The following CSRNP3 variants were observed in gnomAD, a reference collection of about 807,000 sequenced individuals.
CSRNP3 encodes the protein cysteine/serine-rich nuclear protein 3.
In CSRNP3, 12 loss-of-function variants were observed where a neutral mutation model predicts 48.0. The observed-to-expected ratio is 0.25, with a 90% confidence interval of 0.16 to 0.41. The LOEUF (loss-of-function observed/expected upper bound fraction) is 0.41, where lower values mean the gene tolerates loss of function less well. CSRNP3 is among the 10% of genes least tolerant of loss of function. CSRNP3 has a pLI of 1.00. For missense variants in CSRNP3, 580 were observed against 724.4 expected (o/e 0.80, Z 2.29); for synonymous variants, 263 against 269.7 (o/e 0.98, Z 0.24).
intron 1 of CSRNP3, among the ~76,000 whole-genome samples, chr2:165,494,398 T>G (rs2105460367): frequency 6.6e-6 from 1 of 152,200 alleles, no homozygotes; most frequent in South Asian, 2.1e-4. Context: ...ATCTATTTTG[T>G]TCTGAACTCT....
chr2:165,652,610 T>C (rs979141401), intron 4 of CSRNP3, among the ~76,000 whole-genome samples: 1 of 152,088 alleles, frequency 6.6e-6, no homozygotes, highest in African/African-American at 2.4e-5. Context: ...TAGTGTAATC[T>C]CAGCTCCCCA....
At chr2:165,472,100 T>C (rs1443017363) in intron 1 of CSRNP3, among the ~76,000 whole-genome samples, 1 of 152,064 alleles carries the variant, frequency 6.6e-6, no homozygotes, top group Non-Finnish European at 1.5e-5. Flanking sequence ...TTGCAGTGGT[T>C]TGCAATATAA....
intron 2 of CSRNP3, among the ~76,000 whole-genome samples, chr2:165,506,139 C>T (rs769243022): frequency 2.1e-4 from 32 of 152,070 alleles, no homozygotes; most frequent in Non-Finnish European, 3.8e-4. Flanking sequence ...TACGGGTTCC[C>T]CAGATGATCT....
In CSRNP3 at chr2:165,689,063, G is replaced by C. The variant is rs1687675611; in HGVS notation, c.*9310G>C. 6.6e-6 allele frequency: 1 copy of C among 152,008 alleles called. No homozygotes were observed. 9.4% of individuals were successfully genotyped at this position (152,008 alleles called of 1,614,324 possible). A position where few individuals can be genotyped will look rare whatever the true frequency, so the allele number is the denominator to read the frequency against. Reference sequence around the variant, plus strand: ...CACAGTTTCTAGATTGATTTCTCTTGTGTATAAGTTATAACATCAAAAATG... The same window carrying C: ...CACAGTTTCTAGATTGATTTCTCTTCTGTATAAGTTATAACATCAAAAATG... On this transcript the variant is annotated 3_prime_UTR_variant, in exon 7 of 7. Coordinates refer to ENST00000651982, the MANE Select transcript of CSRNP3 (RefSeq NM_001172173.2).
chr2:165,564,419 G>A (rs986807445), intron 3 of CSRNP3, among the ~76,000 whole-genome samples: 2 of 151,742 alleles, frequency 1.3e-5, no homozygotes, highest in African/African-American at 4.8e-5. Flanking sequence ...ACAGATAGAT[G>A]GAAAATATAG....
chr2:165,626,688 G>T (rs1686441869), intron 4 of CSRNP3, among the ~76,000 whole-genome samples: 1 of 152,202 alleles, frequency 6.6e-6, no homozygotes, highest in South Asian at 2.1e-4. Context: ...TTTCATGGCT[G>T]CTGCCCTCTC....
intron 5 of CSRNP3, among the ~76,000 whole-genome samples, chr2:165,675,359 C>T (rs1245748753): frequency 6.6e-6 from 1 of 152,088 alleles, no homozygotes; most frequent in Non-Finnish European, 1.5e-5. Context: ...TGATTTTTCT[C>T]ATGGAGTTTC....
At chr2:165,590,873 G>GAGACT (rs1182003793) in intron 3 of CSRNP3, among the ~76,000 whole-genome samples, 1 of 152,062 alleles carries the variant, frequency 6.6e-6, no homozygotes, top group Non-Finnish European at 1.5e-5. Context: ...ATAGCAGCAT[G>GAGACT]AGACTAGACT....
chr2:165,649,077 T>C (rs1037258285), intron 4 of CSRNP3, among the ~76,000 whole-genome samples: 1 of 152,200 alleles, frequency 6.6e-6, no homozygotes, highest in Non-Finnish European at 1.5e-5. Context: ...GTGACATGCA[T>C]GTTCATGATC....
At chr2:165,535,363 T>G (rs1298168683) in intron 3 of CSRNP3, among the ~76,000 whole-genome samples, 1 of 151,446 alleles carries the variant, frequency 6.6e-6, no homozygotes, top group Non-Finnish European at 1.5e-5. Context: ...TGTAATAACC[T>G]GTTCTGGGAG....
intron 3 of CSRNP3, among the ~76,000 whole-genome samples, chr2:165,552,245 C>T (rs1029536265): frequency 3.3e-5 from 5 of 152,180 alleles, no homozygotes; most frequent in African/African-American, 1.2e-4. Context: ...ACAGAATTCT[C>T]AATTAATGTA....
intron 2 of CSRNP3, among the ~76,000 whole-genome samples, chr2:165,500,455 A>C (rs1684344393): frequency 6.6e-6 from 1 of 150,510 alleles, no homozygotes; most frequent in South Asian, 2.1e-4. Context: ...ATATATATAT[A>C]TATATATATT....
rs1362943031 is a variant in CSRNP3, at chr2:165,678,889, C to T, written c.894C>T (p.His298=). ...LNGCHSEISA[H]SSSMGPVAHS... ...GCTGCCACAGTGAGATAAGTGCTCA[C>T]AGTAGTTCTATGGGCCCTGTCGCTC... Residue 298 remains histidine (H), a synonymous_variant, in exon 7 of 7, where the codon CAC becomes CAT. Coordinates refer to ENST00000651982, the MANE Select transcript of CSRNP3 (RefSeq NM_001172173.2). The T allele has an allele frequency of 1.5e-5, 24 of 1,613,906 alleles. No homozygotes were observed. The highest frequency in any genetic ancestry group is 2.0e-5 in the Non-Finnish European group (24 of 1,179,998).
chr2:165,623,116 T>C (rs1429444540), intron 4 of CSRNP3, among the ~76,000 whole-genome samples: 1 of 152,186 alleles, frequency 6.6e-6, no homozygotes, highest in African/African-American at 2.4e-5. Flanking sequence ...TTTGAAAGGA[T>C]ACAGTATAAC....
rs921334210 is a variant in CSRNP3 at position 165,533,724 on chromosome 2, G to T, written c.-24+15763G>T. Among the ~76,000 whole-genome samples, 3 of 151,974 alleles carry T rather than the reference G, an allele frequency of 2.0e-5. 1 individual carries two copies. The East Asian group carries it at 5.8e-4, about 29-fold the overall frequency. ...CTTTTTTTCTATTCAAGGATGCTTT[G>T]GTAGGTTCAATATAAACCTTAGCAG... On this transcript the variant is annotated intron_variant, in intron 3 of 6. Transcript: ENST00000651982.
chr2:165,625,400 G>A (rs1355765944), intron 4 of CSRNP3, among the ~76,000 whole-genome samples: 1 of 151,840 alleles, frequency 6.6e-6, no homozygotes, highest in Non-Finnish European at 1.5e-5. Flanking sequence ...GCCAAGGTGG[G>A]TGGATCATCT....
chr2:165,594,652 C>T (rs1299868704), intron 3 of CSRNP3, among the ~76,000 whole-genome samples: 1 of 152,140 alleles, frequency 6.6e-6, no homozygotes, highest in Non-Finnish European at 1.5e-5. Flanking sequence ...AAAGGTCGTG[C>T]ATACTTTTTT....
intron 5 of CSRNP3, among the ~76,000 whole-genome samples, chr2:165,670,013 CT>C (rs1166023456): frequency 1.3e-5 from 2 of 152,194 alleles, no homozygotes; most frequent in Non-Finnish European, 1.5e-5. Flanking sequence ...CTCTGGATAA[CT>C]GCTATTTATC....
chr2:165,554,074 A>C (rs1382645632), intron 3 of CSRNP3, among the ~76,000 whole-genome samples: 2 of 152,168 alleles, frequency 1.3e-5, no homozygotes. Context: ...ATTTTCAGCC[A>C]TCCATTTACT....
Sources: gnomAD v4.1 joint callset for allele counts (sites outside exome capture counted in the v4.1 genomes callset) on GRCh38, gnomAD v4.1.1 for gene constraint, MANE v1.5 for transcripts, NCBI Gene and HGNC (gene_info 2026-07-23, HGNC 2026-07-21) for gene names.